The following TSHZ3 variants were observed in gnomAD, a reference collection of about 807,000 sequenced individuals.
The protein encoded by TSHZ3 is teashirt homolog 3.
TSHZ3 carries 10 observed loss-of-function variants against 64.5 expected under a neutral mutation model. The observed-to-expected ratio is 0.16, with a 90% CI of 0.10 to 0.26. TSHZ3 has a LOEUF of 0.26. Among genes scored for constraint, TSHZ3 ranks in the 10% least tolerant of loss-of-function variants. The pLI is 1.00. For synonymous variants in TSHZ3, 608 were observed against 593.1 expected, an observed-to-expected ratio of 1.03 and a Z score of -0.36; for missense variants, 1,242 against 1,421.7, an observed-to-expected ratio of 0.87 and a Z score of 2.03.
chr19:31,277,156 C>T lies in TSHZ3; in HGVS notation c.2637G>A (p.Leu879=). Residue 879 remains leucine (L), a synonymous_variant, in exon 2 of 2, where the codon CTG becomes CTA. Coordinates refer to ENST00000240587, the MANE Select transcript of TSHZ3 (RefSeq NM_020856.4). This position sits in a 1 kb window ranked among gnomAD's most constrained non-coding sequence, Gnocchi z 4.5. The part of the protein sequence containing the change: ...SEKSDIDGAT[L]EEAEESTPAQ... The stretch of plus-strand genomic sequence containing the variant: ...CGGGCGTCGACTCCTCAGCCTCCTC[C>T]AGAGTGGCCCCGTCAATGTCAGACT... 6.2e-7 allele frequency: 1 copy of T among 1,613,316 alleles called. No homozygotes were observed. The highest frequency in any genetic ancestry group is 8.5e-7 in the Non-Finnish European group (1 of 1,179,488).
In TSHZ3 at chr19:31,306,181, A is replaced by C. The variant is rs551236731; in HGVS notation, c.41-26429T>G. 4.1e-4 allele frequency among the ~76,000 whole-genome samples: 63 copies of C among 152,286 alleles called. No homozygotes were observed. The Middle Eastern group carries it at 0.014, about 33-fold the overall frequency. ...GCGCTCATTCCCGGGGTGGCCTTGC[A>C]TATGCAGCCTGTCACTTCAGATGGA... On this transcript the variant is annotated intron_variant, in intron 1 of 1. Coordinates refer to ENST00000240587, the MANE Select transcript of TSHZ3 (RefSeq NM_020856.4).
intron 1 of TSHZ3, among the ~76,000 whole-genome samples, chr19:31,290,625 C>T (rs923298804): frequency 1.3e-5 from 2 of 152,138 alleles, no homozygotes; most frequent in Non-Finnish European, 2.9e-5. Flanking sequence ...CCTAGAGACG[C>T]TACCTAGGAT....
intron 5 of TSHZ3, among the ~76,000 whole-genome samples, chr19:31,177,656 T>C (rs112778073): frequency 0.036 from 5,457 of 152,366 alleles, 137 homozygotes; most frequent in Non-Finnish European, 0.057. Context: ...GTGTTTGCTG[T>C]AAAATGTAAC....
At chr19:31,326,666 G>A (rs770207188) in intron 1 of TSHZ3, among the ~76,000 whole-genome samples, 4 of 152,192 alleles carry the variant, frequency 2.6e-5, no homozygotes, top group Non-Finnish European at 4.4e-5. Flanking sequence ...ATCTTCAGGA[G>A]GCTCATTATT....
At position 31,277,462 on chromosome 19, in the gene TSHZ3, G is replaced by A. The variant is rs756290407; in HGVS notation, c.2331C>T (p.Leu777=). Residue 777 remains leucine, a synonymous_variant, in exon 2 of 2, where the codon CTC becomes CTT. Transcript: ENST00000240587. The surrounding 1 kb of genome is among the most constrained non-coding windows in gnomAD (Gnocchi z 4.5). ...PPLQSKKADH[L]DRYFYHVNND... is the part of the protein sequence containing the mutation. ...TGTTGACGTGGTAGAAATAGCGGTC[G>A]AGGTGGTCTGCCTTCTTGGACTGCA... 331 of 1,613,720 alleles carry A rather than the reference G, an allele frequency of 2.1e-4. 1 individual carries two copies. The highest frequency in any genetic ancestry group is 2.6e-4 in the Non-Finnish European group (310 of 1,179,884).
At chr19:31,329,233 T>C (rs1917008721) in intron 1 of TSHZ3, among the ~76,000 whole-genome samples, 1 of 152,202 alleles carries the variant, frequency 6.6e-6, no homozygotes, top group South Asian at 2.1e-4. Flanking sequence ...CAACCCTAAT[T>C]GTGTAATTAC....
downstream of TSHZ3, among the ~76,000 whole-genome samples, chr19:31,270,396 C>T (rs1463592616): frequency 6.6e-6 from 1 of 152,230 alleles, no homozygotes; most frequent in Non-Finnish European, 1.5e-5. Flanking sequence ...GCCTCAAACT[C>T]CTGGGCTCAA....
Position 31,349,304 on chromosome 19 carries a change from G to T in TSHZ3, c.-85C>A, listed in dbSNP as rs926714541. 6.5e-4 allele frequency: 906 copies of T among 1,386,968 alleles called. 2 individuals are homozygous for T. The highest frequency in any genetic ancestry group is 8.0e-4 in the Non-Finnish European group (845 of 1,050,824). The allele number at this position is 1,386,968 out of a possible 1,614,324, so 85.9% of individuals were successfully genotyped here. A position where few individuals can be genotyped will look rare whatever the true frequency, so the allele number is the denominator to read the frequency against. ...GAGGGAGGGGGCGGCGGGCCCGCGGGGGGGCGAGGCGGGCCTGCTCTCAGC... is the reference window on the plus strand; with the variant it reads ...GAGGGAGGGGGCGGCGGGCCCGCGGTGGGGCGAGGCGGGCCTGCTCTCAGC... On this transcript the variant is annotated 5_prime_UTR_variant, in exon 1 of 2. Transcript: ENST00000240587.
intron 3 of TSHZ3, among the ~76,000 whole-genome samples, chr19:31,233,957 C>T (rs1975574338): frequency 6.8e-6 from 1 of 147,496 alleles, no homozygotes; most frequent in Non-Finnish European, 1.5e-5. Flanking sequence ...AAAAAGCCTG[C>T]TGAGATTTTG....
chr19:31,156,852 T>A (rs991135286), intron 5 of TSHZ3, among the ~76,000 whole-genome samples: 8 of 152,150 alleles, frequency 5.3e-5, no homozygotes, highest in African/African-American at 1.9e-4. Context: ...ACCTACAGAA[T>A]TGACTTCCTC....
intron 5 of TSHZ3, among the ~76,000 whole-genome samples, chr19:31,185,956 T>G (rs751380346): frequency 3.3e-5 from 5 of 152,196 alleles, no homozygotes; most frequent in Non-Finnish European, 5.9e-5. Context: ...CTGGCTTCTC[T>G]CACCCACCAC....
intron 4 of TSHZ3, among the ~76,000 whole-genome samples, chr19:31,210,589 G>A (rs1370112164): frequency 6.6e-6 from 1 of 152,070 alleles, no homozygotes; most frequent in African/African-American, 2.4e-5. Flanking sequence ...GAAGAAACAG[G>A]GGAGATTTTG....
At chr19:31,285,297 C>G (rs1599625417) in intron 1 of TSHZ3, among the ~76,000 whole-genome samples, 1 of 151,936 alleles carries the variant, frequency 6.6e-6, no homozygotes, top group Non-Finnish European at 1.5e-5. Flanking sequence ...CTGGGCAACA[C>G]AGCAAGACCT....
In TSHZ3 at chr19:31,279,589, G is replaced by A. The variant is rs879516512; in HGVS notation, c.204C>T (p.Ser68=). 8 of 1,611,590 alleles carry A rather than the reference G, an allele frequency of 5.0e-6. No homozygotes were observed. Among genetic ancestry groups the A allele is most frequent in the Non-Finnish European group, 6.8e-6 (8 of 1,178,450 alleles). ...SYQNSPAAEF[S]CHEMDSESHI... ...GTGACTCGCTGTCCATTTCATGGCA[G>A]GAAAACTCGGCGGCCGGGGAGTTCT... Residue 68 remains serine, a synonymous_variant, in exon 2 of 2, where the codon TCC becomes TCT. Transcript: ENST00000240587. The surrounding 1 kb of genome is among the most constrained non-coding windows in gnomAD (Gnocchi z 6.4).
chr19:31,157,108 T>G (rs942256131), intron 5 of TSHZ3, among the ~76,000 whole-genome samples: 2 of 152,268 alleles, frequency 1.3e-5, no homozygotes, highest in East Asian at 1.9e-4. Context: ...GCATTTTTTT[T>G]TGTGGGAATT....
intron 4 of TSHZ3, among the ~76,000 whole-genome samples, chr19:31,207,861 T>C (rs1320871223): frequency 1.3e-5 from 2 of 152,224 alleles, no homozygotes; most frequent in East Asian, 3.8e-4. Context: ...ACCTGATTAA[T>C]GTGTGTATAA....
chr19:31,308,762 T>C (rs1916369212), intron 1 of TSHZ3: 2 of 398,418 alleles, frequency 5.0e-6, no homozygotes, highest in Admixed American at 8.8e-5. Context: ...GCTGAAATCC[T>C]GGCTGTGTCT....
chr19:31,250,436 T>C (rs1004851008), intron 1 of TSHZ3, among the ~76,000 whole-genome samples: 58 of 152,162 alleles, frequency 3.8e-4, no homozygotes, highest in African/African-American at 1.4e-3. Context: ...GTCAGCTCTA[T>C]CCACACAGGT....
chr19:31,185,272 C>T (rs1974787107), intron 5 of TSHZ3, among the ~76,000 whole-genome samples: 1 of 152,180 alleles, frequency 6.6e-6, no homozygotes, highest in Non-Finnish European at 1.5e-5. Flanking sequence ...TTCTTCAAGG[C>T]AGCCAGGGGC....
Sources: allele counts gnomAD v4.1 joint callset (sites outside exome capture counted in the v4.1 genomes callset), GRCh38; gene constraint gnomAD v4.1.1; non-coding constraint Gnocchi (gnomAD v3.1); transcripts MANE v1.5; gene names NCBI Gene and HGNC (gene_info 2026-07-23, HGNC 2026-07-21).